Variants in TNFRSF19 observed in about 807,000 individuals in gnomAD.
The protein encoded by TNFRSF19 is tumor necrosis factor receptor superfamily member 19.
In TNFRSF19, 27 loss-of-function variants were observed where a neutral mutation model predicts 46.4. That is an observed-to-expected ratio of 0.58 (90% CI 0.43 to 0.80). TNFRSF19 has a LOEUF of 0.80. Among genes scored for constraint, TNFRSF19 ranks in the 30% least tolerant of loss-of-function variants. TNFRSF19 has a pLI of 0.00. For missense variants in TNFRSF19, 511 were observed against 530.8 expected (o/e 0.96, Z 0.37); for synonymous variants, 204 against 205.0 (o/e 1.00, Z 0.04).
At chr13:23,587,082 A>G (rs993257507) in intron 1 of TNFRSF19, among the ~76,000 whole-genome samples, 1 of 152,128 alleles carries the variant, frequency 6.6e-6, no homozygotes, top group African/African-American at 2.4e-5. Context: ...AGTTATTTGT[A>G]TGGCTTGTGC....
At chr13:23,595,508 CAG>C (rs1879656417) in intron 3 of TNFRSF19, among the ~76,000 whole-genome samples, 1 of 152,020 alleles carries the variant, frequency 6.6e-6, no homozygotes, top group African/African-American at 2.4e-5. Context: ...GAAAGGATAT[CAG>C]AGATTGAAAA....
chr13:23,665,773 G>T (rs78894553), intron 7 of TNFRSF19, among the ~76,000 whole-genome samples: 5 of 152,112 alleles, frequency 3.3e-5, no homozygotes, highest in Admixed American at 6.5e-5. Context: ...CAGGAAATTC[G>T]TGTTAATTCA....
rs1320544701 is a variant in TNFRSF19 at position 23,668,093 on chromosome 13, G to A, written c.839+11G>A. The stretch of plus-strand genomic sequence containing the variant: ...CAGTCTTCAGGCAAGGTAACTAGGT[G>A]CTTTCAATCAATCATTTCATAACCC... On this transcript the variant is annotated intron_variant, in intron 8 of 9. Coordinates refer to ENST00000248484, the MANE Select transcript of TNFRSF19 (RefSeq NM_148957.4). 6.3e-7 allele frequency: 1 copy of A among 1,589,754 alleles called. No homozygotes were observed. The highest frequency in any genetic ancestry group is 2.3e-5 in the East Asian group (1 of 44,430).
At chr13:23,668,170 G>A (rs1565955953) in intron 8 of TNFRSF19, 88 bp downstream of exon 8, 9 of 1,148,766 alleles carry the variant, frequency 7.8e-6, no homozygotes, top group Non-Finnish European at 1.1e-5. Flanking sequence ...TGAAATGATG[G>A]AAACATCACC....
intron 1 of TNFRSF19, among the ~76,000 whole-genome samples, chr13:23,578,958 G>C (rs1403225278): frequency 6.6e-6 from 1 of 152,252 alleles, no homozygotes; most frequent in Non-Finnish European, 1.5e-5. Context: ...GACCTCTGCC[G>C]ACCTGAGCTC....
chr13:23,588,836 C>T (rs1001292042), intron 1 of TNFRSF19, among the ~76,000 whole-genome samples: 1 of 152,200 alleles, frequency 6.6e-6, no homozygotes. Context: ...GTGAAAAAAG[C>T]TGTTTGAATT....
rs1269488929 is a variant in TNFRSF19, at chr13:23,590,258, T to C, written c.69+6T>C. On this transcript the variant is annotated splice_donor_region_variant and intron_variant, in intron 2 of 9. Coordinates refer to ENST00000248484, the MANE Select transcript of TNFRSF19 (RefSeq NM_148957.4). The stretch of plus-strand genomic sequence containing the variant: ...TAGTATTACTAGGCTATTTGGTAAG[T>C]AAAGTCCTTTTTTCTTTCATAAGAA... The C allele has an allele frequency of 6.4e-7, 1 of 1,554,892 alleles. No individual in the cohort carries two copies. Among genetic ancestry groups the C allele is most frequent in the Non-Finnish European group, 8.8e-7 (1 of 1,141,756 alleles).
intron 7 of TNFRSF19, among the ~76,000 whole-genome samples, chr13:23,663,302 T>C (rs1884490399): frequency 6.6e-6 from 1 of 152,228 alleles, no homozygotes; most frequent in South Asian, 2.1e-4. Context: ...GTTCTGTTTA[T>C]GTGATGAATC....
chr13:23,591,407 C>G (rs1473784334), intron 2 of TNFRSF19, among the ~76,000 whole-genome samples: 6 of 151,958 alleles, frequency 3.9e-5, no homozygotes, highest in African/African-American at 1.5e-4. Context: ...GAGCTGAGAT[C>G]ACGCCACTGC....
intron 3 of TNFRSF19, among the ~76,000 whole-genome samples, chr13:23,611,205 A>G (rs1484452166): frequency 6.6e-6 from 1 of 152,102 alleles, no homozygotes; most frequent in Non-Finnish European, 1.5e-5. Context: ...GGAAAGTGTC[A>G]AAGAAAACCC....
At chr13:23,603,105 G>A (rs1343220197) in intron 3 of TNFRSF19, among the ~76,000 whole-genome samples, 1 of 151,834 alleles carries the variant, frequency 6.6e-6, no homozygotes, top group Non-Finnish European at 1.5e-5. Flanking sequence ...CTCTAACTAG[G>A]CCAACTTAGA....
chr13:23,617,123 G>T (rs1040852593), intron 4 of TNFRSF19, among the ~76,000 whole-genome samples: 1 of 152,044 alleles, frequency 6.6e-6, no homozygotes, highest in African/African-American at 2.4e-5. Flanking sequence ...GAGAGGTGGG[G>T]AAGAGCACCG....
At chr13:23,599,298 A>G (rs1879958584) in intron 3 of TNFRSF19, among the ~76,000 whole-genome samples, 2 of 152,248 alleles carry the variant, frequency 1.3e-5, no homozygotes, top group South Asian at 4.1e-4. Flanking sequence ...CATCATGCCC[A>G]AGAGGAAAAT....
rs748408388 is a variant in TNFRSF19 at position 23,626,691 on chromosome 13, T to C, written c.360-16T>C. On this transcript the variant is annotated splice_polypyrimidine_tract_variant and intron_variant, in intron 4 of 9. Coordinates refer to ENST00000248484, the MANE Select transcript of TNFRSF19 (RefSeq NM_148957.4). ...GATGAAAGAGTTAACAAGGAGTATT[T>C]TCCTTTCTCTTCTAGATTTTATAGG... 9 of 1,613,260 alleles carry C rather than the reference T, an allele frequency of 5.6e-6. No individual in the cohort carries two copies. In the Admixed American group the frequency reaches 1.3e-4, roughly 24 times the overall value.
intron 4 of TNFRSF19, among the ~76,000 whole-genome samples, chr13:23,616,482 A>G (rs1019503743): frequency 1.3e-5 from 2 of 152,244 alleles, no homozygotes; most frequent in Non-Finnish European, 2.9e-5. Flanking sequence ...CACCTTAGGC[A>G]TTGCTTTACA....
intron 1 of TNFRSF19, among the ~76,000 whole-genome samples, chr13:23,579,046 G>C (rs868758543): frequency 1.3e-5 from 2 of 152,210 alleles, no homozygotes; most frequent in African/African-American, 4.8e-5. Flanking sequence ...CTGAAAGGTG[G>C]GGAACACCCC....
chr13:23,633,781 G>A (rs1029914608), intron 5 of TNFRSF19, among the ~76,000 whole-genome samples: 52 of 152,186 alleles, frequency 3.4e-4, no homozygotes, highest in African/African-American at 1.2e-3. Flanking sequence ...CGCGGGAGGC[G>A]GAGGTTGCAG....
chr13:23,585,324 C>G (rs1878744075), intron 1 of TNFRSF19: 1 of 152,008 alleles, frequency 6.6e-6, no homozygotes, highest in Admixed American at 6.6e-5. Flanking sequence ...AAAAGAGTAT[C>G]CAGATTATTA....
intron 5 of TNFRSF19, among the ~76,000 whole-genome samples, chr13:23,650,090 A>T (rs775847562): frequency 6.6e-6 from 1 of 152,172 alleles, no homozygotes; most frequent in Non-Finnish European, 1.5e-5. Flanking sequence ...GTAAATCCCT[A>T]CAGGAATTGA....
Sources: gnomAD v4.1 joint callset for allele counts (sites outside exome capture counted in the v4.1 genomes callset) on GRCh38, gnomAD v4.1.1 for gene constraint, MANE v1.5 for transcripts, NCBI Gene and HGNC (gene_info 2026-07-23, HGNC 2026-07-21) for gene names.